Variants in ALG9 observed in about 807,000 individuals in gnomAD.
ALG9 encodes ALG9 alpha-1,2-mannosyltransferase.
Under a neutral mutation model 81.8 loss-of-function variants are expected in ALG9, and 55 were observed. That is an observed-to-expected ratio of 0.67 (90% confidence interval 0.54 to 0.84). The LOEUF (loss-of-function observed/expected upper bound fraction) is 0.84, where lower values mean the gene tolerates loss of function less well. ALG9 is among the 40% of genes least tolerant of loss of function. The probability of loss-of-function intolerance (pLI) is 0.00; values close to 1 mark genes in which losing one functional copy is unlikely to be tolerated. For missense variants in ALG9, 629 were observed against 745.0 expected, an observed-to-expected ratio of 0.84 and a Z score of 1.81; for synonymous variants, 278 against 274.3, an observed-to-expected ratio of 1.01 and a Z score of -0.13.
chr11:111,847,098 T>A (rs1555130843), intron 8 of ALG9, among the ~76,000 whole-genome samples: 1 of 152,038 alleles, frequency 6.6e-6, no homozygotes, highest in Admixed American at 6.5e-5. Context: ...AGTTATAATT[T>A]TATAGACCTG....
chr11:111,785,775 C>A lies in ALG9; in HGVS notation c.*622G>T, dbSNP rs1555062471. On this transcript the variant is annotated 3_prime_UTR_variant, in exon 15 of 15. Transcript: ENST00000616540. Reference sequence around the variant, plus strand: ...ATTATAATAAAATTAGGTCACAGTTCCTCAAATGGTCACCTTTTTCCTGAG... The same window carrying A: ...ATTATAATAAAATTAGGTCACAGTTACTCAAATGGTCACCTTTTTCCTGAG... 2 of 234,202 alleles carry A rather than the reference C, an allele frequency of 8.5e-6. No individual in the cohort carries two copies. Among genetic ancestry groups the A allele is most frequent in the Admixed American group, 5.2e-5 (1 of 19,376 alleles). The allele number at this position is 234,202 out of a possible 1,614,324, so 14.5% of individuals were successfully genotyped here. A position where few individuals can be genotyped will look rare whatever the true frequency, so the allele number is the denominator to read the frequency against.
intron 13 of ALG9, among the ~76,000 whole-genome samples, chr11:111,824,413 A>G (rs2136631687): frequency 6.6e-6 from 1 of 152,288 alleles, no homozygotes; most frequent in South Asian, 2.1e-4. Context: ...TACGGGTTGT[A>G]TATTGTTATT....
intron 1 of ALG9, chr11:111,870,815 C>A: frequency 9.9e-7 from 1 of 1,007,706 alleles, no homozygotes; most frequent in Non-Finnish European, 1.2e-6. Flanking sequence ...TCTTTCTTTT[C>A]TTAACAAGGT....
At chr11:111,798,637 C>T (rs1396408735) in intron 14 of ALG9, among the ~76,000 whole-genome samples, 1 of 152,166 alleles carries the variant, frequency 6.6e-6, no homozygotes, top group Non-Finnish European at 1.5e-5. Context: ...TATGAGATGG[C>T]CACAGAGTAA....
intron 13 of ALG9, chr11:111,817,265 T>C (rs938265502): frequency 2.6e-5 from 4 of 152,252 alleles, no homozygotes; most frequent in African/African-American, 9.6e-5. Context: ...CTAGCTATGC[T>C]GCGGAGGATG....
the ALG9 span, among the ~76,000 whole-genome samples, chr11:111,776,709 A>C: frequency 6.6e-6 from 1 of 152,212 alleles, no homozygotes; most frequent in South Asian, 2.1e-4. Flanking sequence ...TCAGGAGTTA[A>C]CAATCATGAA....
At chr11:111,772,715 A>G in the ALG9 span, among the ~76,000 whole-genome samples, 1 of 152,250 alleles carries the variant, frequency 6.6e-6, no homozygotes, top group African/African-American at 2.4e-5. Flanking sequence ...GTTTTTATCT[A>G]CTGAGGAAGT....
In ALG9 at chr11:111,782,758, G is replaced by A. The variant is rs183179797; in HGVS notation, c.*3639C>T. The A allele has an allele frequency of 5.9e-5, 9 of 152,222 alleles. No homozygotes were observed. Among genetic ancestry groups the A allele is most frequent in the South Asian group, 2.1e-4 (1 of 4,816 alleles). 9.4% of individuals were successfully genotyped at this position (152,222 alleles called of 1,614,324 possible). On this transcript the variant is annotated 3_prime_UTR_variant, in exon 15 of 15. Transcript: ENST00000616540. Reference sequence around the variant, plus strand: ...CTGGAGCTTTGCCCAAATGGTCACCGTAGACCTCATGCTGCAGAATCATAT... The same window carrying A: ...CTGGAGCTTTGCCCAAATGGTCACCATAGACCTCATGCTGCAGAATCATAT...
chr11:111,858,234 C>T (rs1185134949), intron 5 of ALG9, among the ~76,000 whole-genome samples: 2 of 152,150 alleles, frequency 1.3e-5, no homozygotes, highest in African/African-American at 2.4e-5. Context: ...CGCACCTGGC[C>T]TCTCCTTCCT....
chr11:111,815,319 C>T (rs1212936516), intron 13 of ALG9, among the ~76,000 whole-genome samples: 7 of 152,014 alleles, frequency 4.6e-5, no homozygotes, highest in African/African-American at 1.5e-4. Context: ...GCGGGAGGAT[C>T]GCTTGAGCCC....
downstream of ALG9, chr11:111,782,161 C>T (rs1945986075): frequency 6.6e-6 from 1 of 152,018 alleles, no homozygotes; most frequent in South Asian, 2.1e-4. Context: ...GATTTAAAAG[C>T]AAAAGAGAAA....
At chr11:111,829,558 T>C (rs1953981174) in intron 13 of ALG9, among the ~76,000 whole-genome samples, 1 of 152,224 alleles carries the variant, frequency 6.6e-6, no homozygotes, top group Admixed American at 6.5e-5. Context: ...AACAAGCATA[T>C]GTTAAGGATA....
intron 1 of ALG9, 167 bp downstream of exon 1, chr11:111,871,185 C>T: frequency 7.7e-7 from 1 of 1,299,432 alleles, no homozygotes; most frequent in Non-Finnish European, 9.7e-7. Context: ...AGACTGAATG[C>T]TGACCCGCCC....
At position 111,868,634 on chromosome 11, in the gene ALG9, C is replaced by A. The variant is rs782340220; in HGVS notation, c.373G>T (p.Ala125Ser). 1.2e-6 allele frequency: 2 copies of A among 1,613,994 alleles called. No homozygotes were observed. The highest frequency in any genetic ancestry group is 1.1e-5 in the South Asian group (1 of 91,074). ...GTTTGTAGAATTCTTGCATGAAATG[C>A]AGCTGGCCAGGCATGAAGCAACAGG... ...AYLLLHAWPAAFHARILQTNK... is the reference protein window; with the variant it reads ...AYLLLHAWPASFHARILQTNK... The change falls in exon 3 of 15, where the codon GCA becomes TCA. Residue 125 changes from alanine (A) to serine (S), a missense_variant. By Grantham distance (99) the Ala-to-Ser change is moderately conservative (BLOSUM62 1). Transcript: ENST00000616540.
At chr11:111,774,051 T>A in the ALG9 span, among the ~76,000 whole-genome samples, 11 of 105,888 alleles carry the variant, frequency 1.0e-4, no homozygotes, top group East Asian at 6.4e-4. Context: ...TGAGCCACCA[T>A]ACCAAGCCAT....
intron 14 of ALG9, among the ~76,000 whole-genome samples, chr11:111,797,540 ATTG>A (rs1448474259): frequency 6.6e-6 from 1 of 152,200 alleles, no homozygotes; most frequent in Non-Finnish European, 1.5e-5. Context: ...ATAATCAACT[ATTG>A]TTGTTTTACG....
At chr11:111,779,115 A>G (rs1565507311), downstream of ALG9, among the ~76,000 whole-genome samples, 1 of 151,966 alleles carries the variant, frequency 6.6e-6, no homozygotes, top group Non-Finnish European at 1.5e-5. Flanking sequence ...CGGCCGGCCA[A>G]TAGTGGCAAA....
At chr11:111,812,195 A>G (rs1282342885) in intron 13 of ALG9, among the ~76,000 whole-genome samples, 1 of 152,214 alleles carries the variant, frequency 6.6e-6, no homozygotes, top group Non-Finnish European at 1.5e-5. Context: ...ATCCTAACAG[A>G]CTTTTTTGAA....
chr11:111,837,736 T>C (rs781844614), intron 11 of ALG9, 121 bp from the exon 12 acceptor site: 53 of 1,131,008 alleles, frequency 4.7e-5, no homozygotes, highest in African/African-American at 6.2e-5. Flanking sequence ...GGAAGGGCCA[T>C]AGCCATTCCA....
Sources: gnomAD v4.1 joint callset for allele counts (sites outside exome capture counted in the v4.1 genomes callset) on GRCh38, gnomAD v4.1.1 for gene constraint, MANE v1.5 for transcripts, NCBI Gene and HGNC (gene_info 2026-07-23, HGNC 2026-07-21) for gene names.